PRKACB: variants seen among roughly 807,000 people sequenced by gnomAD.
PRKACB encodes the protein cAMP-dependent protein kinase catalytic subunit beta.
PRKACB carries 16 observed loss-of-function variants against 51.4 expected under a neutral mutation model. The ratio of observed to expected loss-of-function variants is 0.31; its 90% CI spans 0.21 to 0.47. The LOEUF (loss-of-function observed/expected upper bound fraction) is 0.47, where lower values mean the gene tolerates loss of function less well. Ranked by LOEUF, PRKACB falls within the 20% of genes least tolerant of loss-of-function variation. The pLI is 1.00. For missense variants in PRKACB, 309 were observed against 464.5 expected (o/e 0.67, Z 3.08); for synonymous variants, 147 against 154.4 (o/e 0.95, Z 0.35).
intron 5 of PRKACB, among the ~76,000 whole-genome samples, chr1:84,190,344 TTTAA>T (rs1256764080): frequency 6.6e-6 from 1 of 151,972 alleles, no homozygotes; most frequent in African/African-American, 2.4e-5. Context: ...TAAATGTTTA[TTTAA>T]TTAACATTCA....
At chr1:84,107,660 A>G (rs1259980148) in intron 1 of PRKACB, among the ~76,000 whole-genome samples, 1 of 152,166 alleles carries the variant, frequency 6.6e-6, no homozygotes, top group Non-Finnish European at 1.5e-5. Context: ...AAACAGCCCT[A>G]TTAAAATGTG....
chr1:84,188,017 CAGAT>C, intron 5 of PRKACB, among the ~76,000 whole-genome samples: 1 of 152,068 alleles, frequency 6.6e-6, no homozygotes, highest in Non-Finnish European at 1.5e-5. Context: ...AAAGAGAGAG[CAGAT>C]TTTTACTGGA....
At chr1:84,154,312 C>T (rs746326750) in intron 1 of PRKACB, among the ~76,000 whole-genome samples, 2 of 152,068 alleles carry the variant, frequency 1.3e-5, no homozygotes, top group Non-Finnish European at 2.9e-5. Flanking sequence ...TTCTCTCATT[C>T]TGTAGGTTGT....
At chr1:84,140,482 TATAGTC>T (rs1447369006), upstream of PRKACB, among the ~76,000 whole-genome samples, 1 of 152,220 alleles carries the variant, frequency 6.6e-6, no homozygotes, top group African/African-American at 2.4e-5. Context: ...TAGCAGGAGT[TATAGTC>T]ATGTCATTTG....
chr1:84,105,542 C>CATTTATTT (rs66546945), intron 1 of PRKACB, among the ~76,000 whole-genome samples: 16 of 145,524 alleles, frequency 1.1e-4, no homozygotes, highest in African/African-American at 2.8e-4. Context: ...CCACTGTTAG[C>CATTTATTT]ATTTATTTAT....
At position 84,220,444 on chromosome 1, in the gene PRKACB, C is replaced by G. The variant is rs545128345; in HGVS notation, c.1071+6127C>G. Among the ~76,000 whole-genome samples the G allele has an allele frequency of 7.6e-4, 115 of 152,170 alleles. 1 individual carries two copies. The highest frequency in any genetic ancestry group is 2.6e-3 in the African/African-American group (109 of 41,526). The stretch of plus-strand genomic sequence containing the variant: ...TAGATGCCTTGTATTTCTTTCTCTT[C>G]CCTGATTAATCTGGCTAGGACTTCC... On this transcript the variant is annotated intron_variant, in intron 9 of 9. Transcript: ENST00000370685.
chr1:84,235,143 T>C, intron 9 of PRKACB, 37 bp from the exon 10 acceptor site: 1 of 1,574,118 alleles, frequency 6.4e-7, no homozygotes. Context: ...GAATTTTTTT[T>C]TCCTTTTTCT....
chr1:84,197,136 A>G (rs1668450393), intron 6 of PRKACB, among the ~76,000 whole-genome samples: 1 of 152,168 alleles, frequency 6.6e-6, no homozygotes, highest in Non-Finnish European at 1.5e-5. Flanking sequence ...AAGGTCATTT[A>G]GCCAATAAAT....
In PRKACB at chr1:84,225,004, A is replaced by G. The variant is rs559478192; in HGVS notation, c.1072-10176A>G. On this transcript the variant is annotated intron_variant, in intron 9 of 9. Coordinates refer to ENST00000370685, the MANE Select transcript of PRKACB (RefSeq NM_182948.4). Reference sequence around the variant, plus strand: ...GTCTTTCGTCATGCTTCTTGATCATATGTATGTGTACCCAGAGTGATAGAC... The same window carrying G: ...GTCTTTCGTCATGCTTCTTGATCATGTGTATGTGTACCCAGAGTGATAGAC... 2.4e-4 allele frequency among the ~76,000 whole-genome samples: 37 copies of G among 152,146 alleles called. No homozygotes were observed. The South Asian group carries it at 6.8e-3, about 28-fold the overall frequency.
At chr1:84,189,968 A>G (rs1301372524) in intron 5 of PRKACB, among the ~76,000 whole-genome samples, 1 of 151,930 alleles carries the variant, frequency 6.6e-6, no homozygotes, top group Non-Finnish European at 1.5e-5. Context: ...ATTTACACAT[A>G]AAACTTTTTT....
intron 1 of PRKACB, among the ~76,000 whole-genome samples, chr1:84,171,333 A>T (rs570120297): frequency 3.3e-5 from 5 of 151,744 alleles, no homozygotes; most frequent in Admixed American, 6.6e-5. Context: ...GAAAATAAAG[A>T]TACATGAGAA....
At chr1:84,099,184 T>C (rs1649152972) in intron 1 of PRKACB, among the ~76,000 whole-genome samples, 1 of 152,128 alleles carries the variant, frequency 6.6e-6, no homozygotes, top group Non-Finnish European at 1.5e-5. Flanking sequence ...ATTTGTAGTG[T>C]TAAGTATAGT....
chr1:84,100,265 C>G (rs913199597), intron 1 of PRKACB, among the ~76,000 whole-genome samples: 1 of 150,946 alleles, frequency 6.6e-6, no homozygotes, highest in African/African-American at 2.5e-5. Context: ...AAAACCTCTC[C>G]CATGATCCAA....
At chr1:84,180,191 T>TATATATATATATATATATATATATATAG (rs1662861600) in intron 2 of PRKACB, among the ~76,000 whole-genome samples, 1 of 106,070 alleles carries the variant, frequency 9.4e-6, no homozygotes, top group South Asian at 3.2e-4. Flanking sequence ...GTGATATATA[T>TATATATATATATATATATATATATATAG]ATATATATAT....
At chr1:84,179,337 A>T (rs559347111) in intron 2 of PRKACB, 99 bp downstream of exon 2, 1 of 1,334,340 alleles carries the variant, frequency 7.5e-7, no homozygotes, top group African/African-American at 1.5e-5. Context: ...TTTAATTTTC[A>T]TGTGGTGTTA....
chr1:84,179,010 A>T, intron 1 of PRKACB, 167 bp from the exon 2 acceptor site: 1 of 722,408 alleles, frequency 1.4e-6, no homozygotes, highest in Non-Finnish European at 2.1e-6. Flanking sequence ...GAAGGTTCTT[A>T]GAGATACTAA....
intron 1 of PRKACB, among the ~76,000 whole-genome samples, chr1:84,100,139 T>C (rs996861820): frequency 2.0e-5 from 3 of 151,768 alleles, no homozygotes; most frequent in Admixed American, 2.0e-4. Context: ...AAAGCAGACA[T>C]CTTCTTCACA....
intron 1 of PRKACB, among the ~76,000 whole-genome samples, chr1:84,169,841 T>G (rs1558085487): frequency 6.6e-6 from 1 of 151,552 alleles, no homozygotes; most frequent in African/African-American, 2.4e-5. Context: ...ATTTCCAGCA[T>G]AAAAAAATGA....
chr1:84,175,115 T>G (rs752080329), intron 1 of PRKACB: 250 of 1,338,236 alleles, frequency 1.9e-4, no homozygotes, highest in Non-Finnish European at 2.4e-4. Context: ...ATTTATTGTT[T>G]GCAAGTTTTT....
Sources: allele counts gnomAD v4.1 joint callset (sites outside exome capture counted in the v4.1 genomes callset), GRCh38; gene constraint gnomAD v4.1.1; transcripts MANE v1.5; gene names NCBI Gene and HGNC (gene_info 2026-07-23, HGNC 2026-07-21).